The following TRDN variants were observed in gnomAD, a reference collection of about 807,000 sequenced individuals.
TRDN encodes triadin in skeletal muscle.
Under a neutral mutation model 149.7 loss-of-function variants are expected in TRDN, and 161 were observed. That is an observed-to-expected ratio of 1.08 (90% CI 0.95 to 1.23). The LOEUF (loss-of-function observed/expected upper bound fraction) is 1.23. TRDN is among the 50% of genes most tolerant of loss of function. The pLI, the probability that TRDN is intolerant of heterozygous loss-of-function variation, is 0.00. For missense variants in TRDN, 896 were observed against 823.5 expected (o/e 1.09, Z -1.08); for synonymous variants, 294 against 250.5 (o/e 1.17, Z -1.64).
At chr6:123,264,499 C>A (rs1776872133) in intron 33 of TRDN, among the ~76,000 whole-genome samples, 1 of 151,928 alleles carries the variant, frequency 6.6e-6, no homozygotes. Flanking sequence ...GAATCTACTT[C>A]TGGTGAAGAT....
chr6:123,505,388 G>A (rs1475329841), intron 7 of TRDN, among the ~76,000 whole-genome samples: 1 of 151,742 alleles, frequency 6.6e-6, no homozygotes, highest in Non-Finnish European at 1.5e-5. Context: ...GATAATGCCA[G>A]ATGCTGGTTA....
chr6:123,387,385 C>T (rs114234013), intron 14 of TRDN, among the ~76,000 whole-genome samples: 1,801 of 152,006 alleles, frequency 0.012, 33 homozygotes, highest in African/African-American at 0.041. Context: ...TTTTTATGAT[C>T]GATACACTTC....
At chr6:123,319,780 T>A (rs1779173740) in intron 23 of TRDN, among the ~76,000 whole-genome samples, 1 of 152,122 alleles carries the variant, frequency 6.6e-6, no homozygotes, top group South Asian at 2.1e-4. Context: ...TGCTAAGTTG[T>A]TGAGGCAGGC....
chr6:123,469,344 A>T (rs1362485699), intron 9 of TRDN, among the ~76,000 whole-genome samples: 3 of 152,148 alleles, frequency 2.0e-5, no homozygotes, highest in Admixed American at 2.0e-4. Context: ...CTTTTGGACC[A>T]CTTAGGGATG....
At chr6:123,285,395 C>T (rs1029177114) in intron 24 of TRDN, among the ~76,000 whole-genome samples, 1 of 151,948 alleles carries the variant, frequency 6.6e-6, no homozygotes, top group African/African-American at 2.4e-5. Context: ...CAAATACTTA[C>T]AGATTGCTTT....
intron 38 of TRDN, among the ~76,000 whole-genome samples, chr6:123,251,314 G>A (rs1225844522): frequency 6.6e-6 from 1 of 152,016 alleles, no homozygotes; most frequent in East Asian, 1.9e-4. Context: ...ATCCAATGCT[G>A]TAGCCACTGA....
chr6:123,319,489 A>G (rs1201160622), intron 23 of TRDN, among the ~76,000 whole-genome samples: 1 of 152,112 alleles, frequency 6.6e-6, no homozygotes, highest in African/African-American at 2.4e-5. Flanking sequence ...GTGTGTATAT[A>G]TATAAACTTT....
At chr6:123,382,398 GA>G (rs1173194768) in intron 14 of TRDN, among the ~76,000 whole-genome samples, 1 of 151,130 alleles carries the variant, frequency 6.6e-6, no homozygotes, top group Non-Finnish European at 1.5e-5. Flanking sequence ...ATAAAACATT[GA>G]AAAATATAAA....
chr6:123,346,465 T>A (rs2114274460), intron 21 of TRDN, among the ~76,000 whole-genome samples: 1 of 152,156 alleles, frequency 6.6e-6, no homozygotes, highest in East Asian at 1.9e-4. Context: ...AACTGTATTG[T>A]AATCTTTGTG....
intron 38 of TRDN, among the ~76,000 whole-genome samples, chr6:123,229,693 C>A (rs962169568): frequency 4.6e-5 from 7 of 151,826 alleles, no homozygotes; most frequent in Non-Finnish European, 1.0e-4. Flanking sequence ...AAGACTTGAT[C>A]TGTTGGTATT....
At chr6:123,532,629 T>C (rs1780304174) in intron 4 of TRDN, among the ~76,000 whole-genome samples, 1 of 151,974 alleles carries the variant, frequency 6.6e-6, no homozygotes, top group South Asian at 2.1e-4. Flanking sequence ...AATCGCATAA[T>C]CCAATTCCTT....
intron 24 of TRDN, among the ~76,000 whole-genome samples, chr6:123,282,677 A>T (rs1777628177): frequency 6.6e-6 from 1 of 151,876 alleles, no homozygotes; most frequent in Admixed American, 6.6e-5. Context: ...ACTTTCATGA[A>T]TTTATTCACA....
chr6:123,499,719 A>AAAAAAAAT, intron 8 of TRDN, among the ~76,000 whole-genome samples: 19 of 47,676 alleles, frequency 4.0e-4, no homozygotes, highest in East Asian at 1.0e-3. Context: ...AAAAAAAAAA[A>AAAAAAAAT]ATATATATAT....
chr6:123,341,251 C>CTG (rs74984417), intron 21 of TRDN, among the ~76,000 whole-genome samples: 28,529 of 151,598 alleles, frequency 0.19, 3,799 homozygotes, highest in East Asian at 0.7. Flanking sequence ...ACTGTAGACA[C>CTG]TTCATTAACT....
At chr6:123,528,628 C>A in intron 5 of TRDN, 1 of 985,486 alleles carries the variant, frequency 1.0e-6, no homozygotes, top group Non-Finnish European at 1.2e-6. Flanking sequence ...ACAACCATAA[C>A]TGACATGGAA....
rs574061213 is a variant in TRDN, at chr6:123,351,947, T to C, written c.1369+592A>G. ...TTTTCTCAAGCAGAGTCTGGAGTGA[T>C]CTATTTATGATATAACTACATAAAT... On this transcript the variant is annotated intron_variant, in intron 21 of 40. Transcript: ENST00000334268. 7.1e-6 allele frequency: 7 copies of C among 981,024 alleles called. No individual in the cohort carries two copies. The African/African-American group carries it at 1.2e-4, about 17-fold the overall frequency. 60.8% of individuals were successfully genotyped at this position (981,024 alleles called of 1,614,324 possible).
chr6:123,539,296 G>A (rs1007723337), intron 4 of TRDN, among the ~76,000 whole-genome samples: 2 of 152,138 alleles, frequency 1.3e-5, no homozygotes, highest in Non-Finnish European at 2.9e-5. Flanking sequence ...TCTAGATGGA[G>A]CCTAGATTCT....
At chr6:123,360,187 C>T (rs1780844713) in intron 20 of TRDN, among the ~76,000 whole-genome samples, 1 of 152,016 alleles carries the variant, frequency 6.6e-6, no homozygotes, top group Admixed American at 6.6e-5. Context: ...ATTTATTGGG[C>T]AGTTGAACAT....
At position 123,271,140 on chromosome 6, in the gene TRDN, T is replaced by G; in HGVS notation, c.1719A>C (p.Thr573=). ...KQVKAVTIEK[T]AKPKPTKKAE... ...AAAAATATAAAATACCTTATTTACC[T>G]GTTTTTTCTATTGTGACAGCTTTTA... Residue 573 remains threonine (T), a splice_region_variant and synonymous_variant, in exon 30 of 41, where the codon ACA becomes ACC. Coordinates refer to ENST00000334268, the MANE Select transcript of TRDN (RefSeq NM_006073.4). 6.5e-7 allele frequency: 1 copy of G among 1,528,454 alleles called. No individual in the cohort carries two copies. The highest frequency in any genetic ancestry group is 1.4e-5 in the African/African-American group (1 of 72,046). 94.7% of individuals were successfully genotyped at this position (1,528,454 alleles called of 1,614,324 possible).
Sources: gnomAD v4.1 joint callset for allele counts (sites outside exome capture counted in the v4.1 genomes callset) on GRCh38, gnomAD v4.1.1 for gene constraint, MANE v1.5 for transcripts, NCBI Gene and HGNC (gene_info 2026-07-23, HGNC 2026-07-21) for gene names.